The following SF3B3 variants were observed in gnomAD, a reference collection of about 807,000 sequenced individuals.
SF3B3 encodes SAP 130.
A neutral mutation model predicts 139.2 loss-of-function variants in SF3B3; 33 were observed. That is an observed-to-expected ratio of 0.24 (90% CI 0.18 to 0.32). The LOEUF (loss-of-function observed/expected upper bound fraction) is 0.32, where lower values mean the gene tolerates loss of function less well. SF3B3 is among the 10% of genes least tolerant of loss of function. The pLI is 1.00. For missense variants in SF3B3, 818 were observed against 1,509.4 expected, an observed-to-expected ratio of 0.54 and a Z score of 7.59; for synonymous variants, 596 against 563.6, an observed-to-expected ratio of 1.06 and a Z score of -0.81.
At chr16:70,532,946 C>T (rs191425554) in intron 5 of SF3B3, among the ~76,000 whole-genome samples, 81 of 152,276 alleles carry the variant, frequency 5.3e-4, no homozygotes, top group Admixed American at 1.0e-3. Flanking sequence ...AAACCTAACT[C>T]TTTCAAAAGC....
intron 16 of SF3B3, among the ~76,000 whole-genome samples, chr16:70,561,114 G>A (rs2050424394): frequency 6.6e-6 from 1 of 152,060 alleles, no homozygotes; most frequent in Non-Finnish European, 1.5e-5. Context: ...TCCGCCTCCT[G>A]GGTTCAACCA....
rs1033378726 is a variant in SF3B3 at position 70,552,728 on chromosome 16, G to A, written c.1403-1718G>A. Reference sequence around the variant, plus strand: ...CCTTGTTTTTCAGCCACCACAGTAGGTACATATATATGCAATATTAACTGA... The same window carrying A: ...CCTTGTTTTTCAGCCACCACAGTAGATACATATATATGCAATATTAACTGA... On this transcript the variant is annotated intron_variant, in intron 11 of 25. Coordinates refer to ENST00000302516, the MANE Select transcript of SF3B3 (RefSeq NM_012426.5). Among the ~76,000 whole-genome samples the A allele has an allele frequency of 5.3e-5, 8 of 152,030 alleles. 1 individual carries two copies. In the South Asian group the frequency reaches 1.7e-3, roughly 32 times the overall value.
Position 70,572,155 on chromosome 16 carries a change from T to G in SF3B3, c.*342T>G, listed in dbSNP as rs1043741577. The stretch of plus-strand genomic sequence containing the variant: ...ACACACCCTTAATTTTTAATTGGTT[T>G]TCTTGTAAATACAGTTTTGTACAAT... On this transcript the variant is annotated 3_prime_UTR_variant, in exon 26 of 26. Transcript: ENST00000302516. 2.0e-6 allele frequency: 1 copy of G among 493,342 alleles called. No individual in the cohort carries two copies. The allele number at this position is 493,342 out of a possible 1,614,324, so 30.6% of individuals were successfully genotyped here.
rs1416872998 is a variant in SF3B3, at chr16:70,541,821, T to C, written c.1220T>C (p.Ile407Thr). 1 of 1,613,612 alleles carries C rather than the reference T, an allele frequency of 6.2e-7. No individual in the cohort carries two copies. Among genetic ancestry groups the C allele is most frequent in the Non-Finnish European group, 8.5e-7 (1 of 1,179,678 alleles). Reference protein sequence around the residue: ...LVDELDSLSPILFCQIADLAN... With the variant: ...LVDELDSLSPTLFCQIADLAN... ...GATGAGTTGGACAGCCTCTCTCCCA[T>C]TCTGTTTTGCCAGGTTGGTGGGCCT... The change falls in exon 9 of 26, where the codon ATT becomes ACT. Residue 407 changes from isoleucine to threonine, a missense_variant. Coordinates refer to ENST00000302516, the MANE Select transcript of SF3B3 (RefSeq NM_012426.5).
chr16:70,569,204 G>T, intron 23 of SF3B3, 63 bp downstream of exon 23: 1 of 1,169,750 alleles, frequency 8.5e-7, no homozygotes, highest in South Asian at 1.4e-5. Flanking sequence ...TGCCCTCACT[G>T]AAGAAATTGC....
At chr16:70,552,587 A>C (rs1053255602) in intron 11 of SF3B3, among the ~76,000 whole-genome samples, 1 of 152,240 alleles carries the variant, frequency 6.6e-6, no homozygotes, top group African/African-American at 2.4e-5. Flanking sequence ...AATAACCAAA[A>C]ACCAAGTATC....
At chr16:70,566,897 ATAAT>A (rs2050482119) in intron 20 of SF3B3, among the ~76,000 whole-genome samples, 1 of 152,012 alleles carries the variant, frequency 6.6e-6, no homozygotes, top group African/African-American at 2.4e-5. Context: ...AAAAATACAG[ATAAT>A]TAGTCAGGCT....
At chr16:70,565,546 T>G in intron 20 of SF3B3, 22 bp downstream of exon 20, 1 of 1,601,722 alleles carries the variant, frequency 6.2e-7, no homozygotes. Flanking sequence ...CCAGTGGTTC[T>G]CCTAGATTTT....
chr16:70,537,633 CT>C (rs1455958291), intron 6 of SF3B3, among the ~76,000 whole-genome samples: 1 of 152,200 alleles, frequency 6.6e-6, no homozygotes, highest in African/African-American at 2.4e-5. Flanking sequence ...TTAAATTCTT[CT>C]TGTTAAGGGA....
chr16:70,527,564 A>G (rs1433926800), intron 2 of SF3B3, among the ~76,000 whole-genome samples: 3 of 152,116 alleles, frequency 2.0e-5, no homozygotes, highest in African/African-American at 7.2e-5. Flanking sequence ...GATCCTCATT[A>G]TGGCTCTTCC....
chr16:70,542,108 T>C (rs572879258), intron 9 of SF3B3, among the ~76,000 whole-genome samples: 8 of 152,320 alleles, frequency 5.3e-5, no homozygotes, highest in African/African-American at 1.9e-4. Flanking sequence ...GTAAAAGTCC[T>C]CCCCGTAATC....
intron 25 of SF3B3, 73 bp downstream of exon 25, chr16:70,571,272 T>C (rs899666749): frequency 1.4e-5 from 16 of 1,139,844 alleles, no homozygotes; most frequent in Non-Finnish European, 2.0e-5. Context: ...TTGATGGGAA[T>C]AGTACCAGGG....
At chr16:70,557,066 C>G (rs781642851) in intron 15 of SF3B3, 37 bp downstream of exon 15, 2 of 1,557,366 alleles carry the variant, frequency 1.3e-6, no homozygotes, top group South Asian at 1.2e-5. Flanking sequence ...GGACATTAGG[C>G]CTTCTGTACG....
chr16:70,560,333 A>G (rs1312336546), intron 15 of SF3B3, 136 bp from the exon 16 acceptor site: 2 of 825,430 alleles, frequency 2.4e-6, no homozygotes, highest in East Asian at 2.9e-5. Context: ...TCGGATTATT[A>G]GGATCTTTTT....
chr16:70,536,058 T>C (rs1361795290), intron 6 of SF3B3, among the ~76,000 whole-genome samples: 1 of 152,230 alleles, frequency 6.6e-6, no homozygotes, highest in African/African-American at 2.4e-5. Context: ...TTGTGTAGTA[T>C]AGTTACCTTA....
chr16:70,549,277 T>A (rs1368637424), intron 11 of SF3B3, among the ~76,000 whole-genome samples: 1 of 152,104 alleles, frequency 6.6e-6, no homozygotes, highest in Non-Finnish European at 1.5e-5. Context: ...ATTGAAGGAG[T>A]TGGGAGACAT....
chr16:70,540,268 C>A (rs1597711220), intron 8 of SF3B3, among the ~76,000 whole-genome samples: 3 of 151,592 alleles, frequency 2.0e-5, no homozygotes, highest in African/African-American at 7.3e-5. Context: ...AACCAGCTGG[C>A]CAAGCTGGTC....
At chr16:70,525,957 C>CA (rs920550920) in intron 1 of SF3B3, among the ~76,000 whole-genome samples, 2,848 of 38,418 alleles carry the variant, frequency 0.074, 13 homozygotes, top group East Asian at 0.12. Context: ...TGAGACGCCT[C>CA]AAAAAAAAAA....
At chr16:70,533,315 T>A (rs574213268) in intron 5 of SF3B3, among the ~76,000 whole-genome samples, 13 of 152,188 alleles carry the variant, frequency 8.5e-5, no homozygotes, top group African/African-American at 3.1e-4. Context: ...CAAGGTGAGA[T>A]CTTGTCTCAA....
Sources: allele counts gnomAD v4.1 joint callset (sites outside exome capture counted in the v4.1 genomes callset), GRCh38; gene constraint gnomAD v4.1.1; transcripts MANE v1.5; gene names NCBI Gene and HGNC (gene_info 2026-07-23, HGNC 2026-07-21).